Variants in APBB2 observed in about 807,000 individuals in gnomAD.
APBB2 encodes the protein amyloid beta precursor protein binding family B member 2.
In APBB2, 38 loss-of-function variants were observed where a neutral mutation model predicts 82.5. The observed-to-expected ratio is 0.46, with a 90% CI of 0.36 to 0.60. APBB2 has a LOEUF of 0.60. Ranked by LOEUF, APBB2 falls within the 20% of genes least tolerant of loss-of-function variation. APBB2 has a pLI of 0.00. For missense variants in APBB2, 772 were observed against 972.3 expected, an observed-to-expected ratio of 0.79 and a Z score of 2.74; for synonymous variants, 341 against 368.2, an observed-to-expected ratio of 0.93 and a Z score of 0.85.
At chr4:41,000,601 G>C (rs776213331) in intron 6 of APBB2, among the ~76,000 whole-genome samples, 1 of 152,178 alleles carries the variant, frequency 6.6e-6, no homozygotes, top group Non-Finnish European at 1.5e-5. Flanking sequence ...GAACCCATGA[G>C]TTCCCTGATG....
chr4:40,983,077 C>T (rs1340820117), intron 6 of APBB2, among the ~76,000 whole-genome samples: 1 of 152,166 alleles, frequency 6.6e-6, no homozygotes, highest in Non-Finnish European at 1.5e-5. Context: ...TGAGCACTTA[C>T]CATGAATTAA....
Position 40,811,563 on chromosome 4 carries a change from T to C in APBB2, c.*4529A>G, listed in dbSNP as rs1744419704. 2 of 148,778 alleles carry C rather than the reference T, an allele frequency of 1.3e-5. No homozygotes were observed. Among genetic ancestry groups the C allele is most frequent in the Admixed American group, 1.3e-4 (2 of 14,900 alleles). The allele number at this position is 148,778 out of a possible 1,614,324, so 9.2% of individuals were successfully genotyped here. A position where few individuals can be genotyped will look rare whatever the true frequency, so the allele number is the denominator to read the frequency against. ...GTCTGAAGAAAAAAAAAAAAAGCAA[T>C]ATGAGGGAATTCTAATGAAGGAGAA... On this transcript the variant is annotated 3_prime_UTR_variant, in exon 18 of 18. Coordinates refer to ENST00000508593, the MANE Select transcript of APBB2 (RefSeq NM_004307.2).
At chr4:40,960,153 G>C (rs73244029) in intron 6 of APBB2, among the ~76,000 whole-genome samples, 6,802 of 152,130 alleles carry the variant, frequency 0.045, 225 homozygotes, top group Non-Finnish European at 0.073. Context: ...ACTATGGATG[G>C]GGAGGAGGAG....
At chr4:41,087,163 G>C (rs572948104) in intron 3 of APBB2, among the ~76,000 whole-genome samples, 2 of 152,000 alleles carry the variant, frequency 1.3e-5, no homozygotes, top group Non-Finnish European at 2.9e-5. Flanking sequence ...AATAAATATT[G>C]ATTACATAAA....
chr4:40,909,621 A>G (rs1352879695), intron 10 of APBB2, among the ~76,000 whole-genome samples: 1 of 152,174 alleles, frequency 6.6e-6, no homozygotes, highest in Non-Finnish European at 1.5e-5. Context: ...CAACCGAGAG[A>G]CGTAGCACAA....
intron 6 of APBB2, among the ~76,000 whole-genome samples, chr4:40,953,397 A>G (rs1421499077): frequency 1.3e-5 from 2 of 151,944 alleles, no homozygotes; most frequent in Non-Finnish European, 2.9e-5. Context: ...CAACATAACC[A>G]AACAATGGCT....
intron 12 of APBB2, among the ~76,000 whole-genome samples, chr4:40,837,643 C>G (rs1333885714): frequency 6.6e-6 from 1 of 152,336 alleles, no homozygotes; most frequent in East Asian, 1.9e-4. Flanking sequence ...GCTCTCTGCT[C>G]CAGCTCATGC....
At chr4:41,195,348 ATTGTCC>A in intron 1 of APBB2, among the ~76,000 whole-genome samples, 1 of 152,120 alleles carries the variant, frequency 6.6e-6, no homozygotes, top group Non-Finnish European at 1.5e-5. Flanking sequence ...GATCCTCAGA[ATTGTCC>A]TTGACTCCTC....
intron 1 of APBB2, among the ~76,000 whole-genome samples, chr4:41,195,507 A>G: frequency 6.6e-6 from 1 of 152,062 alleles, no homozygotes; most frequent in Non-Finnish European, 1.5e-5. Flanking sequence ...AAACCAGATT[A>G]CCACACAAGA....
At chr4:40,825,534 C>T (rs1300500583) in intron 15 of APBB2, among the ~76,000 whole-genome samples, 1 of 152,248 alleles carries the variant, frequency 6.6e-6, no homozygotes, top group African/African-American at 2.4e-5. Context: ...CGCCAGCTGA[C>T]AAGACACGAA....
At chr4:41,185,605 A>AT (rs755438599) in intron 1 of APBB2, among the ~76,000 whole-genome samples, 13 of 152,232 alleles carry the variant, frequency 8.5e-5, no homozygotes, top group Admixed American at 3.3e-4. Flanking sequence ...ATAAAATAGT[A>AT]TTTTTTTCAT....
chr4:41,022,928 A>G (rs77873901), intron 5 of APBB2, among the ~76,000 whole-genome samples: 2,785 of 152,274 alleles, frequency 0.018, 88 homozygotes, highest in African/African-American at 0.064. Flanking sequence ...TATATCAGAG[A>G]AAGGGTGATC....
intron 2 of APBB2, among the ~76,000 whole-genome samples, chr4:41,134,155 T>C (rs1009231581): frequency 6.6e-6 from 1 of 152,062 alleles, no homozygotes; most frequent in African/African-American, 2.4e-5. Context: ...TTAAGTTAAT[T>C]AATTTTTTGT....
intron 1 of APBB2, among the ~76,000 whole-genome samples, chr4:41,148,131 T>C (rs953325317): frequency 3.9e-5 from 6 of 152,194 alleles, no homozygotes; most frequent in Non-Finnish European, 7.4e-5. Flanking sequence ...AGAACTACTA[T>C]GAAAACCGAA....
intron 2 of APBB2, among the ~76,000 whole-genome samples, chr4:41,131,496 T>C (rs1266428810): frequency 6.6e-6 from 1 of 152,188 alleles, no homozygotes; most frequent in South Asian, 2.1e-4. Context: ...TTTTAGAAAC[T>C]GTCCCCTTAA....
chr4:41,068,457 T>G (rs1050432906), intron 3 of APBB2, among the ~76,000 whole-genome samples: 1 of 152,178 alleles, frequency 6.6e-6, no homozygotes, highest in African/African-American at 2.4e-5. Flanking sequence ...TAGAAAATAG[T>G]TGGCAACGTC....
intron 6 of APBB2, among the ~76,000 whole-genome samples, chr4:40,988,647 A>G (rs189602526): frequency 0.15 from 14,110 of 93,694 alleles, 776 homozygotes; most frequent in South Asian, 0.2. Flanking sequence ...CAAAAAAAAA[A>G]AAAAAAAAGA....
At chr4:41,012,835 A>G (rs1472810203) in intron 6 of APBB2, among the ~76,000 whole-genome samples, 1 of 152,214 alleles carries the variant, frequency 6.6e-6, no homozygotes, top group Non-Finnish European at 1.5e-5. Flanking sequence ...TCTTAGAATC[A>G]GTATAGTGGG....
At chr4:40,920,218 G>T (rs1251217017) in intron 10 of APBB2, among the ~76,000 whole-genome samples, 1 of 152,120 alleles carries the variant, frequency 6.6e-6, no homozygotes, top group Non-Finnish European at 1.5e-5. Flanking sequence ...AGATCTGATG[G>T]TTTTATAAAG....
Sources: allele counts gnomAD v4.1 joint callset (sites outside exome capture counted in the v4.1 genomes callset), GRCh38; gene constraint gnomAD v4.1.1; transcripts MANE v1.5; gene names NCBI Gene and HGNC (gene_info 2026-07-23, HGNC 2026-07-21).